Variants in ZNF487 observed in about 807,000 individuals in gnomAD.
ZNF487 encodes the protein KRAB domain only 1.
In ZNF487, 4 loss-of-function variants were observed where a neutral mutation model predicts 3.0. The observed-to-expected ratio is 1.35, with a 90% CI of 0.66 to 3.08. The LOEUF (loss-of-function observed/expected upper bound fraction) is 3.08. ZNF487 is among the 30% of genes most tolerant of loss of function. The pLI is 0.01. For synonymous variants in ZNF487, 55 were observed against 34.6 expected, an observed-to-expected ratio of 1.59 and a Z score of -2.06; for missense variants, 146 against 98.7, an observed-to-expected ratio of 1.48 and a Z score of -2.03.
At chr10:43,492,342 G>A in the ZNF487 span, among the ~76,000 whole-genome samples, 3 of 151,832 alleles carry the variant, frequency 2.0e-5, no homozygotes. Context: ...ATCTGCTAAT[G>A]TTGAATTGTA....
chr10:43,440,004 T>G (rs1839535304), intron 1 of ZNF487, among the ~76,000 whole-genome samples: 1 of 151,790 alleles, frequency 6.6e-6, no homozygotes, highest in South Asian at 2.1e-4. Context: ...AAGACTGAAC[T>G]GTACACTTTA....
Position 43,482,142 on chromosome 10 carries a change from T to G in ZNF487, c.*220T>G. The G allele has an allele frequency of 1.8e-6, 1 of 560,198 alleles. No homozygotes were observed. The highest frequency in any genetic ancestry group is 2.9e-5 in the East Asian group (1 of 34,156). The allele number at this position is 560,198 out of a possible 1,614,324, so 34.7% of individuals were successfully genotyped here. ...AGAAATCACTCCTCATTCTACAAAG[T>G]TACAGAGGAGAGAAAACTTGACTGT... On this transcript the variant is annotated 3_prime_UTR_variant, in exon 4 of 4. Transcript: ENST00000437590.
At chr10:43,472,158 C>A (rs761754906) in intron 1 of ZNF487, among the ~76,000 whole-genome samples, 8 of 152,126 alleles carry the variant, frequency 5.3e-5, no homozygotes, top group Non-Finnish European at 1.2e-4. Context: ...GGGGCCTGAT[C>A]CCTCCTGGTA....
At chr10:43,441,166 G>C (rs1268411447) in intron 1 of ZNF487, among the ~76,000 whole-genome samples, 1 of 142,290 alleles carries the variant, frequency 7.0e-6, no homozygotes, top group African/African-American at 2.6e-5. Context: ...AGGTATTACA[G>C]GCATGAGCCA....
chr10:43,500,664 G>A, the ZNF487 span, among the ~76,000 whole-genome samples: 2 of 144,140 alleles, frequency 1.4e-5, no homozygotes, highest in East Asian at 3.9e-4. Context: ...ACCATGCCCA[G>A]CTAATTTTTT....
intron 1 of ZNF487, among the ~76,000 whole-genome samples, chr10:43,450,553 C>T (rs1218043298): frequency 2.0e-5 from 3 of 151,496 alleles, no homozygotes; most frequent in Non-Finnish European, 4.4e-5. Flanking sequence ...GGGGTTTCAC[C>T]ATGTTGGCCA....
rs765322163 is a variant in ZNF487 at position 43,475,797 on chromosome 10, C to G, written c.-17C>G. On this transcript the variant is annotated 5_prime_UTR_variant, in exon 2 of 4. Coordinates refer to ENST00000437590, the MANE Select transcript of ZNF487 (RefSeq NM_001355444.3). ...CAGCATCTGGACTCTGCTCAGAGGA[C>G]CCCGTACAGAGACATGATGCTGGAG... is the stretch of plus-strand genomic sequence containing the variant. The G allele has an allele frequency of 3.8e-6, 3 of 780,746 alleles. No individual in the cohort carries two copies. The highest frequency in any genetic ancestry group is 4.8e-5 in the East Asian group (2 of 41,250). The allele number at this position is 780,746 out of a possible 1,614,324, so 48.4% of individuals were successfully genotyped here. A position where few individuals can be genotyped will look rare whatever the true frequency, so the allele number is the denominator to read the frequency against.
chr10:43,472,788 G>T (rs1341095882), intron 1 of ZNF487, among the ~76,000 whole-genome samples: 2 of 152,054 alleles, frequency 1.3e-5, no homozygotes, highest in Non-Finnish European at 2.9e-5. Context: ...TTTTCCTGGA[G>T]TATGTTTCCT....
At chr10:43,441,329 G>A (rs753114355) in intron 1 of ZNF487, among the ~76,000 whole-genome samples, 10 of 151,838 alleles carry the variant, frequency 6.6e-5, no homozygotes, top group Non-Finnish European at 1.5e-4. Context: ...GCAGTGGCAC[G>A]ATCTCGGCTC....
At chr10:43,456,059 G>A (rs1470520249) in intron 1 of ZNF487, among the ~76,000 whole-genome samples, 2 of 152,204 alleles carry the variant, frequency 1.3e-5, no homozygotes, top group Non-Finnish European at 2.9e-5. Context: ...TTATCCTGGG[G>A]CACTTGTAGT....
intron 1 of ZNF487, among the ~76,000 whole-genome samples, chr10:43,468,973 A>G (rs1397953273): frequency 3.3e-5 from 4 of 120,856 alleles, no homozygotes; most frequent in Non-Finnish European, 6.5e-5. Flanking sequence ...TGGGCTACAG[A>G]GTGAGACTCT....
Position 43,475,800 on chromosome 10 carries a change from C to T in ZNF487, c.-14C>T, listed in dbSNP as rs11816311. The T allele has an allele frequency of 2.2e-5, 17 of 780,472 alleles. No homozygotes were observed. The highest frequency in any genetic ancestry group is 2.2e-4 in the Middle Eastern group (1 of 4,464). 48.3% of individuals were successfully genotyped at this position (780,472 alleles called of 1,614,324 possible). A position where few individuals can be genotyped will look rare whatever the true frequency, so the allele number is the denominator to read the frequency against. The stretch of plus-strand genomic sequence containing the variant: ...CATCTGGACTCTGCTCAGAGGACCC[C>T]GTACAGAGACATGATGCTGGAGAAC... On this transcript the variant is annotated 5_prime_UTR_variant, in exon 2 of 4. Transcript: ENST00000437590.
chr10:43,517,243 C>G, the ZNF487 span, among the ~76,000 whole-genome samples: 5 of 152,250 alleles, frequency 3.3e-5, no homozygotes, highest in African/African-American at 9.6e-5. Context: ...TCCCTGACAC[C>G]ATCAAGAAAC....
At chr10:43,513,150 C>T in the ZNF487 span, among the ~76,000 whole-genome samples, 1 of 152,116 alleles carries the variant, frequency 6.6e-6, no homozygotes, top group Admixed American at 6.6e-5. Flanking sequence ...CAAGGTGTCT[C>T]CAAATAAGAA....
At chr10:43,495,203 C>CTT in the ZNF487 span, among the ~76,000 whole-genome samples, 108 of 121,488 alleles carry the variant, frequency 8.9e-4, no homozygotes, top group Admixed American at 8.5e-4. Context: ...TGTCCCCAGG[C>CTT]TTTTTTTTTT....
chr10:43,477,998 T>G (rs1216445868), intron 3 of ZNF487, among the ~76,000 whole-genome samples: 1 of 151,536 alleles, frequency 6.6e-6, no homozygotes, highest in Admixed American at 6.6e-5. Flanking sequence ...AGGTAAAAAT[T>G]AGAAAAACTG....
chr10:43,499,817 C>T, the ZNF487 span, among the ~76,000 whole-genome samples: 1 of 151,608 alleles, frequency 6.6e-6, no homozygotes, highest in African/African-American at 2.4e-5. Flanking sequence ...GAGTATATAG[C>T]AAGTTGGCAA....
the ZNF487 span, among the ~76,000 whole-genome samples, chr10:43,522,963 A>T: frequency 1.3e-5 from 2 of 152,088 alleles, no homozygotes; most frequent in Admixed American, 6.6e-5. Context: ...TCTACCATTC[A>T]TCCTAAAATA....
chr10:43,487,324 T>C (rs554701850), downstream of ZNF487, among the ~76,000 whole-genome samples: 1 of 151,358 alleles, frequency 6.6e-6, no homozygotes, highest in South Asian at 2.1e-4. Flanking sequence ...TGTTTTTAAA[T>C]GAGATGGGGT....
Sources: allele counts gnomAD v4.1 joint callset (sites outside exome capture counted in the v4.1 genomes callset), GRCh38; gene constraint gnomAD v4.1.1; transcripts MANE v1.5; gene names NCBI Gene and HGNC (gene_info 2026-07-23, HGNC 2026-07-21).